PTGER3: variants seen among roughly 807,000 people sequenced by gnomAD.
PTGER3 encodes the protein prostaglandin E receptor 3.
In PTGER3, 22 loss-of-function variants were observed where a neutral mutation model predicts 34.7. The observed-to-expected ratio is 0.63, with a 90% CI of 0.45 to 0.91. PTGER3 has a LOEUF of 0.91. Among genes scored for constraint, PTGER3 ranks in the 40% least tolerant of loss-of-function variants. The probability of loss-of-function intolerance (pLI) is 0.00; values close to 1 mark genes in which losing one functional copy is unlikely to be tolerated. For missense variants in PTGER3, 468 were observed against 519.4 expected (o/e 0.90, Z 0.96); for synonymous variants, 241 against 230.1 (o/e 1.05, Z -0.43).
chr1:70,962,126 T>C (rs985925450), intron 2 of PTGER3, among the ~76,000 whole-genome samples: 4 of 152,202 alleles, frequency 2.6e-5, no homozygotes, highest in African/African-American at 9.7e-5. Flanking sequence ...TCTTGAAGAT[T>C]ATACAACTGC....
chr1:70,978,396 T>G (rs889454834), intron 2 of PTGER3, among the ~76,000 whole-genome samples: 2 of 152,182 alleles, frequency 1.3e-5, no homozygotes, highest in East Asian at 3.9e-4. Context: ...AACTAAATTT[T>G]ATATTGTTCG....
intron 4 of PTGER3, chr1:70,862,387 G>T (rs1645946511): frequency 7.3e-7 from 1 of 1,365,832 alleles, no homozygotes; most frequent in African/African-American, 1.5e-5. Flanking sequence ...GCTGGACACT[G>T]CAGGGTTCTC....
intron 2 of PTGER3, chr1:71,008,189 A>G: frequency 3.2e-6 from 3 of 948,064 alleles, no homozygotes; most frequent in Non-Finnish European, 2.5e-6. Context: ...GTTTCAAATG[A>G]AGAAATACAT....
chr1:70,940,740 A>G (rs1194768720), intron 4 of PTGER3, among the ~76,000 whole-genome samples: 3 of 152,190 alleles, frequency 2.0e-5, no homozygotes, highest in Non-Finnish European at 4.4e-5. Flanking sequence ...CCCCTCCCAC[A>G]ACACGTGGGA....
At chr1:70,879,176 G>A (rs996696538) in intron 4 of PTGER3, among the ~76,000 whole-genome samples, 1 of 152,046 alleles carries the variant, frequency 6.6e-6, no homozygotes, top group South Asian at 2.1e-4. Context: ...TATATATGTA[G>A]GATAGTAAGG....
intron 1 of PTGER3, among the ~76,000 whole-genome samples, chr1:71,040,104 GA>G (rs1016427321): frequency 2.3e-5 from 3 of 129,964 alleles, no homozygotes; most frequent in Non-Finnish European, 4.9e-5. Flanking sequence ...AAGAAGGAAA[GA>G]AAGAAAGAAA....
chr1:70,980,138 CAA>C lies in PTGER3; in HGVS notation c.1078-5752_1078-5751del, dbSNP rs1654119194. On this transcript the variant is annotated intron_variant, in intron 2 of 3. Coordinates refer to ENST00000306666, the MANE Select transcript of PTGER3 (RefSeq NM_198719.2). ...TTGAACAAAGACAGGACTGAATGAGCAAGAGTGGAAGGCAGAGAGCAAATACA... is the reference window on the plus strand; with the variant it reads ...TTGAACAAAGACAGGACTGAATGAGCGAGTGGAAGGCAGAGAGCAAATACA... 2.0e-5 allele frequency among the ~76,000 whole-genome samples: 3 copies of C among 152,148 alleles called. No individual in the cohort carries two copies. The South Asian group carries it at 6.2e-4, about 32-fold the overall frequency.
intron 4 of PTGER3, chr1:70,883,906 T>C: frequency 4.1e-6 from 1 of 242,262 alleles, no homozygotes; most frequent in South Asian, 3.8e-5. Flanking sequence ...CTACTAAAAA[T>C]GCAAAAATTA....
chr1:70,984,261 C>T (rs559290647), intron 2 of PTGER3, among the ~76,000 whole-genome samples: 36 of 151,874 alleles, frequency 2.4e-4, no homozygotes, highest in Admixed American at 1.9e-3. Context: ...GTGGCACACA[C>T]CTGTAATCCC....
intron 4 of PTGER3, among the ~76,000 whole-genome samples, chr1:70,854,418 C>A (rs1189137765): frequency 6.6e-6 from 1 of 152,096 alleles, no homozygotes; most frequent in Non-Finnish European, 1.5e-5. Context: ...TGAGATATCA[C>A]CCATTAAGAT....
chr1:70,990,400 T>A lies in PTGER3; in HGVS notation c.1078-16012A>T, dbSNP rs574529969. 8.3e-3 allele frequency among the ~76,000 whole-genome samples: 1,064 copies of A among 128,958 alleles called. 15 individuals carry two copies. Among genetic ancestry groups the A allele is most frequent in the African/African-American group, 0.03 (967 of 32,064 alleles). The allele number at this position is 128,958 out of a possible 152,430, so 84.6% of individuals were successfully genotyped here. On this transcript the variant is annotated intron_variant, in intron 2 of 3. Coordinates refer to ENST00000306666, the MANE Select transcript of PTGER3 (RefSeq NM_198719.2). ...ACACACACACACATATATATATATA[T>A]AAAATACATATTATATCTATTATAC...
downstream of PTGER3, among the ~76,000 whole-genome samples, chr1:70,948,100 A>G (rs1340508474): frequency 1.3e-5 from 2 of 152,192 alleles, no homozygotes; most frequent in Admixed American, 1.3e-4. Context: ...GCATAGGGAC[A>G]GTAACTGCTA....
chr1:70,949,683 G>C (rs1650562453), downstream of PTGER3, among the ~76,000 whole-genome samples: 1 of 152,134 alleles, frequency 6.6e-6, no homozygotes, highest in African/African-American at 2.4e-5. Flanking sequence ...AGACATTCTA[G>C]TTTTCTAGAT....
chr1:70,888,036 G>C (rs527444662), intron 4 of PTGER3, among the ~76,000 whole-genome samples: 1 of 152,172 alleles, frequency 6.6e-6, no homozygotes, highest in Non-Finnish European at 1.5e-5. Context: ...AGCATGCAAA[G>C]CTGTGGGAGT....
exon 4 of PTGER3, chr1:70,952,716 C>A: frequency 2.4e-6 from 3 of 1,243,848 alleles, no homozygotes; most frequent in Non-Finnish European, 3.0e-6. Context: ...GAGTGACCAA[C>A]CAGTTTGTTC....
intron 2 of PTGER3, chr1:71,007,026 A>G: frequency 2.0e-6 from 2 of 985,402 alleles, no homozygotes; most frequent in South Asian, 9.4e-5. Context: ...CCTTTAAAAC[A>G]TACTAGAAGA....
chr1:70,932,350 C>A (rs1044612577), intron 4 of PTGER3, among the ~76,000 whole-genome samples: 5 of 152,128 alleles, frequency 3.3e-5, no homozygotes, highest in Non-Finnish European at 5.9e-5. Flanking sequence ...TGCCTGTTAC[C>A]CAGTTCCAAA....
At chr1:71,032,863 C>T (rs1236183301) in intron 1 of PTGER3, among the ~76,000 whole-genome samples, 1 of 152,202 alleles carries the variant, frequency 6.6e-6, no homozygotes, top group African/African-American at 2.4e-5. Flanking sequence ...AAGAGGCCAA[C>T]AGTAACCAGA....
intron 2 of PTGER3, among the ~76,000 whole-genome samples, chr1:70,984,869 A>T (rs1212560944): frequency 1.3e-5 from 2 of 152,230 alleles, no homozygotes; most frequent in Non-Finnish European, 2.9e-5. Flanking sequence ...ATTTAGAAAA[A>T]TTAAAGAGAT....
Sources: gnomAD v4.1 joint callset for allele counts (sites outside exome capture counted in the v4.1 genomes callset) on GRCh38, gnomAD v4.1.1 for gene constraint, MANE v1.5 for transcripts, NCBI Gene and HGNC (gene_info 2026-07-23, HGNC 2026-07-21) for gene names.